Variants in UNC5A observed in about 807,000 individuals in gnomAD.
The protein encoded by UNC5A is unc-5 netrin receptor A, also known as netrin receptor UNC5A.
Under a neutral mutation model 87.4 loss-of-function variants are expected in UNC5A, and 20 were observed. The observed-to-expected ratio is 0.23, with a 90% confidence interval of 0.16 to 0.33. The LOEUF is 0.33. Among genes scored for constraint, UNC5A ranks in the 10% least tolerant of loss-of-function variants. UNC5A has a pLI of 1.00. For missense variants in UNC5A, 844 were observed against 1,133.4 expected (o/e 0.74, Z 3.67); for synonymous variants, 438 against 482.3 (o/e 0.91, Z 1.20).
At chr5:176,814,836 T>C (rs1581239409) in intron 1 of UNC5A, among the ~76,000 whole-genome samples, 1 of 152,226 alleles carries the variant, frequency 6.6e-6, no homozygotes, top group African/African-American at 2.4e-5. Context: ...TGGGCTCTCT[T>C]TGCAGGCAGG....
At chr5:176,827,342 C>G (rs1178147718) in intron 1 of UNC5A, among the ~76,000 whole-genome samples, 1 of 152,062 alleles carries the variant, frequency 6.6e-6, no homozygotes, top group African/African-American at 2.4e-5. Context: ...ACCACCACGC[C>G]CAGCCAATTT....
chr5:176,869,977 C>T lies in UNC5A; in HGVS notation c.722-393C>T, dbSNP rs1758071066. Among the ~76,000 whole-genome samples the T allele has an allele frequency of 6.6e-6, 1 of 151,910 alleles. No homozygotes were observed. The highest frequency in any genetic ancestry group is 6.5e-5 in the Admixed American group (1 of 15,272). On this transcript the variant is annotated intron_variant, in intron 5 of 14. Coordinates refer to ENST00000329542, the MANE Select transcript of UNC5A (RefSeq NM_133369.3). This position sits in a 1 kb window ranked among gnomAD's most constrained non-coding sequence, Gnocchi z 9.1. ...GCTCGATCTGTGTCCAATGTCAGGG[C>T]TCAACATAGGGTGTAAGTCACAGGG...
chr5:176,854,007 G>C (rs1321829702), intron 1 of UNC5A, among the ~76,000 whole-genome samples: 1 of 152,216 alleles, frequency 6.6e-6, no homozygotes, highest in East Asian at 1.9e-4. Flanking sequence ...GGGCTGCAGT[G>C]GGGTCAAATA....
chr5:176,824,742 C>T lies in UNC5A; in HGVS notation c.70+13922C>T, dbSNP rs1423890818. Among the ~76,000 whole-genome samples the T allele has an allele frequency of 6.6e-6, 1 of 151,692 alleles. No individual in the cohort carries two copies. The highest frequency in any genetic ancestry group is 1.5e-5 in the Non-Finnish European group (1 of 67,878). On this transcript the variant is annotated intron_variant, in intron 1 of 14. Coordinates refer to ENST00000329542, the MANE Select transcript of UNC5A (RefSeq NM_133369.3). The surrounding 1 kb of genome is among the most constrained non-coding windows in gnomAD (Gnocchi z 4.2). Reference sequence around the variant, plus strand: ...CTAGGTGCCTCCATGCCCATGCACCCCCAGTGCCTGTGCACTCCCTGCCCT... The same window carrying T: ...CTAGGTGCCTCCATGCCCATGCACCTCCAGTGCCTGTGCACTCCCTGCCCT...
At chr5:176,854,569 G>A (rs1757623147) in intron 1 of UNC5A, among the ~76,000 whole-genome samples, 1 of 152,144 alleles carries the variant, frequency 6.6e-6, no homozygotes, top group Non-Finnish European at 1.5e-5. Context: ...GTCCAGCACT[G>A]GCATTTGAAG....
chr5:176,861,051 G>A (rs1382108627), intron 1 of UNC5A, among the ~76,000 whole-genome samples: 1 of 152,154 alleles, frequency 6.6e-6, no homozygotes, highest in African/African-American at 2.4e-5. Flanking sequence ...CACAGCTGTT[G>A]CACCCCTCAG....
intron 1 of UNC5A, among the ~76,000 whole-genome samples, chr5:176,861,243 T>A (rs1310881473): frequency 6.6e-6 from 1 of 152,242 alleles, no homozygotes; most frequent in Non-Finnish European, 1.5e-5. Flanking sequence ...CCCTGAGCAC[T>A]GTGCTGAGTG....
intron 1 of UNC5A, among the ~76,000 whole-genome samples, chr5:176,836,385 A>G (rs1757149129): frequency 6.6e-6 from 1 of 152,344 alleles, no homozygotes; most frequent in South Asian, 2.1e-4. Context: ...TTACAGACTT[A>G]TATGATCTGC....
chr5:176,813,929 T>C (rs558529563), intron 1 of UNC5A, among the ~76,000 whole-genome samples: 1 of 152,294 alleles, frequency 6.6e-6, no homozygotes, highest in African/African-American at 2.4e-5. Flanking sequence ...CCTCTCCCAA[T>C]GCCCCCTCCT....
At chr5:176,878,662 C>T (rs1187041951) in intron 13 of UNC5A, 23 bp downstream of exon 13, 2 of 1,603,714 alleles carry the variant, frequency 1.2e-6, no homozygotes, top group Non-Finnish European at 1.7e-6. Flanking sequence ...GGCTGCCGCA[C>T]CGCCGTGACG....
chr5:176,853,680 T>A (rs1358947021), intron 1 of UNC5A, among the ~76,000 whole-genome samples: 1 of 152,154 alleles, frequency 6.6e-6, no homozygotes, highest in African/African-American at 2.4e-5. Flanking sequence ...GTCACCCCCA[T>A]CCAGTCACCT....
At chr5:176,822,330 A>G (rs1756747202) in intron 1 of UNC5A, among the ~76,000 whole-genome samples, 1 of 152,238 alleles carries the variant, frequency 6.6e-6, no homozygotes, top group Non-Finnish European at 1.5e-5. Flanking sequence ...AACTGGCAGC[A>G]GCAGGTATCA....
chr5:176,827,844 T>C (rs1217912164), intron 1 of UNC5A, among the ~76,000 whole-genome samples: 1 of 152,236 alleles, frequency 6.6e-6, no homozygotes, highest in Non-Finnish European at 1.5e-5. Context: ...ATTTTTCTCA[T>C]GTCTTGGTGC....
chr5:176,867,045 C>G (rs1396949931), intron 2 of UNC5A, among the ~76,000 whole-genome samples: 2 of 152,198 alleles, frequency 1.3e-5, no homozygotes, highest in South Asian at 2.1e-4. Context: ...AGCCTCCCAG[C>G]CTGCCGGCTC....
rs562118940 is a variant in UNC5A at position 176,812,387 on chromosome 5, G to T, written c.70+1567G>T. Among the ~76,000 whole-genome samples the T allele has an allele frequency of 2.0e-5, 3 of 152,336 alleles. No homozygotes were observed. In the South Asian group the frequency reaches 6.2e-4, roughly 32 times the overall value. ...GGTCATAGCTGCATGTCGCCCACGT[G>T]AGCACGTGTGAAGGCTGTGGGTTGA... On this transcript the variant is annotated intron_variant, in intron 1 of 14. Coordinates refer to ENST00000329542, the MANE Select transcript of UNC5A (RefSeq NM_133369.3).
chr5:176,860,675 G>A (rs1034896242), intron 1 of UNC5A, among the ~76,000 whole-genome samples: 2 of 152,178 alleles, frequency 1.3e-5, no homozygotes, highest in East Asian at 1.9e-4. Context: ...CCTGCATTCC[G>A]CCACTTCCTG....
intron 1 of UNC5A, among the ~76,000 whole-genome samples, chr5:176,851,681 G>A (rs901761532): frequency 2.0e-5 from 3 of 152,226 alleles, no homozygotes; most frequent in Admixed American, 6.5e-5. Context: ...CCGGAGAGGG[G>A]AGGGGAGCAT....
intron 1 of UNC5A, among the ~76,000 whole-genome samples, chr5:176,822,806 GAGA>G (rs1172356479): frequency 1.3e-5 from 2 of 152,212 alleles, no homozygotes; most frequent in African/African-American, 4.8e-5. Flanking sequence ...ATGAGGGGAG[GAGA>G]AGGAGTGGAC....
chr5:176,852,481 T>C (rs1455208698), intron 1 of UNC5A, among the ~76,000 whole-genome samples: 1 of 152,200 alleles, frequency 6.6e-6, no homozygotes, highest in African/African-American at 2.4e-5. Flanking sequence ...TGTGACCACA[T>C]AATTACCCTG....
Sources: gnomAD v4.1 joint callset for allele counts (sites outside exome capture counted in the v4.1 genomes callset) on GRCh38, gnomAD v4.1.1 for gene constraint, Gnocchi (gnomAD v3.1) non-coding constraint, MANE v1.5 for transcripts, NCBI Gene and HGNC (gene_info 2026-07-23, HGNC 2026-07-21) for gene names.